PTPRG: variants seen among roughly 807,000 people sequenced by gnomAD.
PTPRG encodes the protein protein tyrosine phosphatase receptor type G, also known as receptor-type tyrosine-protein phosphatase gamma.
PTPRG carries 102 observed loss-of-function variants against 165.3 expected under a neutral mutation model. The ratio of observed to expected loss-of-function variants is 0.62; its 90% CI spans 0.53 to 0.73. PTPRG has a LOEUF of 0.73. Among genes scored for constraint, PTPRG ranks in the 30% least tolerant of loss-of-function variants. The pLI is 0.00. For missense variants in PTPRG, 1,866 were observed against 1,861.4 expected, an observed-to-expected ratio of 1.00 and a Z score of -0.05; for synonymous variants, 675 against 669.5, an observed-to-expected ratio of 1.01 and a Z score of -0.13.
At position 61,904,183 on chromosome 3, in the gene PTPRG, C is replaced by G. The variant is rs577527472; in HGVS notation, c.191-85442C>G. ...CCTCATTTTTAACACCCAAGTGCAG[C>G]TGCAGGGGCTTTCATCCGCCTCAGA... On this transcript the variant is annotated intron_variant, in intron 2 of 29. Coordinates refer to ENST00000474889, the MANE Select transcript of PTPRG (RefSeq NM_002841.4). Among the ~76,000 whole-genome samples the G allele has an allele frequency of 2.8e-4, 43 of 152,284 alleles. No individual in the cohort carries two copies. The Middle Eastern group carries it at 0.014, about 48-fold the overall frequency.
rs1305585236 is a variant in PTPRG at position 61,871,153 on chromosome 3, GTGTTGTGTTGTGTTATGTTATGTTA to G, written c.191-118467_191-118443del. Among the ~76,000 whole-genome samples, 1,200 of 124,246 alleles carry G rather than the reference GTGTTGTGTTGTGTTATGTTATGTTA, an allele frequency of 9.7e-3. 13 individuals carry two copies. Among genetic ancestry groups the G allele is most frequent in the African/African-American group, 0.035 (1,077 of 30,482 alleles). 81.5% of individuals were successfully genotyped at this position (124,246 alleles called of 152,430 possible). On this transcript the variant is annotated intron_variant, in intron 2 of 29. Coordinates refer to ENST00000474889, the MANE Select transcript of PTPRG (RefSeq NM_002841.4). ...ATGTTGTGTTGTGTTGTGTTGTGTT[GTGTTGTGTTGTGTTATGTTATGTTA>G]TGTTATGTTATGTTATGTTATGTTA...
chr3:62,020,390 A>ATGT (rs2041662518), intron 4 of PTPRG, among the ~76,000 whole-genome samples: 1 of 152,212 alleles, frequency 6.6e-6, no homozygotes, highest in Non-Finnish European at 1.5e-5. Flanking sequence ...GTAAGCTAGA[A>ATGT]CAAGTATAGA....
chr3:62,114,860 G>A (rs553877998), intron 5 of PTPRG, among the ~76,000 whole-genome samples: 2 of 152,146 alleles, frequency 1.3e-5, no homozygotes, highest in South Asian at 4.2e-4. Context: ...GGTTGGTCTT[G>A]AACTCCTGGC....
At chr3:61,617,019 A>G (rs1433455358) in intron 1 of PTPRG, among the ~76,000 whole-genome samples, 1 of 152,246 alleles carries the variant, frequency 6.6e-6, no homozygotes, top group Non-Finnish European at 1.5e-5. Flanking sequence ...TTTTGGTAAA[A>G]GGATTGTGTG....
chr3:61,790,705 T>C (rs17065404), intron 2 of PTPRG, among the ~76,000 whole-genome samples: 3,704 of 152,056 alleles, frequency 0.024, 156 homozygotes, highest in African/African-American at 0.084. Context: ...ATTCTCAGTC[T>C]CAGAATCCCT....
At chr3:61,606,347 CG>C (rs1434797051) in intron 1 of PTPRG, among the ~76,000 whole-genome samples, 1 of 152,126 alleles carries the variant, frequency 6.6e-6, no homozygotes, top group Non-Finnish European at 1.5e-5. Context: ...GGTGGGGGTG[CG>C]GGGTGTCAGG....
At position 61,824,913 on chromosome 3, in the gene PTPRG, C is replaced by T. The variant is rs80339904; in HGVS notation, c.190+75931C>T. Among the ~76,000 whole-genome samples the T allele has an allele frequency of 1.8e-3, 278 of 152,328 alleles. 1 individual carries two copies. Among genetic ancestry groups the T allele is most frequent in the African/African-American group, 6.6e-3 (273 of 41,590 alleles). On this transcript the variant is annotated intron_variant, in intron 2 of 29. Transcript: ENST00000474889. The stretch of plus-strand genomic sequence containing the variant: ...GTCCAACTGGCTTCCTTAGATTTAA[C>T]AACCCACTTAGGACAGAAAACCCTT...
At chr3:61,766,211 G>A (rs941864273) in intron 2 of PTPRG, among the ~76,000 whole-genome samples, 2 of 152,186 alleles carry the variant, frequency 1.3e-5, no homozygotes, top group African/African-American at 4.8e-5. Flanking sequence ...ATTGTGAGCT[G>A]TGAATGTTAT....
intron 1 of PTPRG, among the ~76,000 whole-genome samples, chr3:61,727,440 C>A (rs541572548): frequency 1.3e-5 from 2 of 152,070 alleles, no homozygotes; most frequent in African/African-American, 4.8e-5. Context: ...GCATGACCCA[C>A]GGTGCCCGGC....
intron 1 of PTPRG, among the ~76,000 whole-genome samples, chr3:61,654,302 T>C (rs900705869): frequency 5.3e-5 from 8 of 152,136 alleles, no homozygotes; most frequent in South Asian, 2.1e-4. Flanking sequence ...TTAGGAGATA[T>C]AGGTGGAATT....
At chr3:62,056,159 T>C (rs1575945215) in intron 4 of PTPRG, among the ~76,000 whole-genome samples, 1 of 152,228 alleles carries the variant, frequency 6.6e-6, no homozygotes, top group Admixed American at 6.5e-5. Context: ...TATCAGGATA[T>C]GAACATCCCA....
At chr3:62,135,513 A>T (rs1300222304) in intron 6 of PTPRG, among the ~76,000 whole-genome samples, 1 of 152,120 alleles carries the variant, frequency 6.6e-6, no homozygotes, top group Non-Finnish European at 1.5e-5. Context: ...CATATATTAG[A>T]ATGTTAATTT....
intron 21 of PTPRG, 56 bp from the exon 22 acceptor site, chr3:62,272,890 A>C: frequency 6.9e-7 from 1 of 1,457,652 alleles, no homozygotes; most frequent in South Asian, 1.5e-5. Flanking sequence ...TTTCGAATCC[A>C]AAGTTAACAG....
chr3:61,689,311 G>T (rs190276442), intron 1 of PTPRG, among the ~76,000 whole-genome samples: 37 of 152,248 alleles, frequency 2.4e-4, no homozygotes, highest in African/African-American at 8.9e-4. Flanking sequence ...ACATTCACAC[G>T]TTTACACACA....
intron 2 of PTPRG, among the ~76,000 whole-genome samples, chr3:61,843,584 G>C (rs2036714443): frequency 6.6e-6 from 1 of 152,040 alleles, no homozygotes. Context: ...AATAATGTTG[G>C]CAGTTCCTAG....
At chr3:62,250,614 TCC>T (rs1360843478) in intron 15 of PTPRG, among the ~76,000 whole-genome samples, 1 of 152,224 alleles carries the variant, frequency 6.6e-6, no homozygotes, top group Admixed American at 6.5e-5. Flanking sequence ...GTTGGTGATT[TCC>T]CTCTAACAGT....
At chr3:61,951,923 TCC>T (rs1363187813) in intron 2 of PTPRG, among the ~76,000 whole-genome samples, 1 of 151,842 alleles carries the variant, frequency 6.6e-6, no homozygotes, top group Non-Finnish European at 1.5e-5. Flanking sequence ...ATCAAGACCA[TCC>T]TGGCCAACAT....
At chr3:62,023,499 T>C (rs1279160030) in intron 4 of PTPRG, among the ~76,000 whole-genome samples, 1 of 152,130 alleles carries the variant, frequency 6.6e-6, no homozygotes, top group Non-Finnish European at 1.5e-5. Context: ...GTGCTCCATC[T>C]GGTTTGGAGC....
chr3:61,625,775 AC>A (rs779303784), intron 1 of PTPRG, among the ~76,000 whole-genome samples: 79 of 152,310 alleles, frequency 5.2e-4, no homozygotes, highest in Non-Finnish European at 1.0e-3. Context: ...TCAGCCTCCA[AC>A]ATAAGCTCAG....
Sources: gnomAD v4.1 joint callset for allele counts (sites outside exome capture counted in the v4.1 genomes callset) on GRCh38, gnomAD v4.1.1 for gene constraint, MANE v1.5 for transcripts, NCBI Gene and HGNC (gene_info 2026-07-23, HGNC 2026-07-21) for gene names.